The following RGS6 variants were observed in gnomAD, a reference collection of about 807,000 sequenced individuals.
The protein encoded by RGS6 is regulator of G protein signaling 6, also known as regulator of G-protein signaling 6.
A neutral mutation model predicts 78.5 loss-of-function variants in RGS6; 30 were observed. That is an observed-to-expected ratio of 0.38 (90% CI 0.29 to 0.52). RGS6 has a LOEUF of 0.52. Ranked by LOEUF, RGS6 falls within the 20% of genes least tolerant of loss-of-function variation. The pLI is 0.85. For missense variants in RGS6, 495 were observed against 609.7 expected, an observed-to-expected ratio of 0.81 and a Z score of 1.98; for synonymous variants, 206 against 206.0, an observed-to-expected ratio of 1.00 and a Z score of 0.00.
chr14:72,158,316 G>A (rs1031544794), intron 2 of RGS6, among the ~76,000 whole-genome samples: 4 of 152,070 alleles, frequency 2.6e-5, no homozygotes. Context: ...TTCTTCTCGT[G>A]AGGACACCAG....
At chr14:72,447,012 G>A (rs989305803) in intron 3 of RGS6, among the ~76,000 whole-genome samples, 1 of 152,148 alleles carries the variant, frequency 6.6e-6, no homozygotes, top group South Asian at 2.1e-4. Flanking sequence ...TACCTGTTGG[G>A]AGGCTGAGGA....
chr14:72,276,960 A>T (rs1422848324), intron 2 of RGS6, among the ~76,000 whole-genome samples: 1 of 152,170 alleles, frequency 6.6e-6, no homozygotes, highest in Non-Finnish European at 1.5e-5. Context: ...AGTAGAATAC[A>T]AGTTCCATGA....
chr14:72,453,128 C>T (rs980983798), intron 3 of RGS6, among the ~76,000 whole-genome samples: 1 of 151,988 alleles, frequency 6.6e-6, no homozygotes, highest in Non-Finnish European at 1.5e-5. Flanking sequence ...AAACTGAGGC[C>T]AAAGGGAGGA....
chr14:72,271,532 G>C (rs1343833964), intron 2 of RGS6, among the ~76,000 whole-genome samples: 1 of 152,216 alleles, frequency 6.6e-6, no homozygotes, highest in Admixed American at 6.5e-5. Flanking sequence ...ACATGACCAA[G>C]TTCAGACTTG....
chr14:72,502,960 T>C (rs2096748250), intron 13 of RGS6, among the ~76,000 whole-genome samples: 1 of 152,180 alleles, frequency 6.6e-6, no homozygotes, highest in African/African-American at 2.4e-5. Context: ...TAATAACTTG[T>C]CTTAGTCTGT....
At chr14:72,238,614 A>G (rs928784926) in intron 2 of RGS6, among the ~76,000 whole-genome samples, 8 of 152,030 alleles carry the variant, frequency 5.3e-5, no homozygotes, top group African/African-American at 1.9e-4. Context: ...CAGTGTGTAT[A>G]TATTGAGGTG....
intron 2 of RGS6, among the ~76,000 whole-genome samples, chr14:72,236,616 T>G (rs2051112001): frequency 6.6e-6 from 1 of 152,238 alleles, no homozygotes; most frequent in Non-Finnish European, 1.5e-5. Flanking sequence ...AGGCTGTCAC[T>G]TCACACTTGG....
At chr14:72,458,136 C>T (rs1422318750) in intron 4 of RGS6, 135 bp from the exon 5 acceptor site, 2 of 650,214 alleles carry the variant, frequency 3.1e-6, no homozygotes, top group Non-Finnish European at 5.3e-6. Context: ...CTCACCCCCA[C>T]ACTGAGCAAG....
intron 2 of RGS6, among the ~76,000 whole-genome samples, chr14:72,248,206 G>C (rs2054714187): frequency 6.6e-6 from 1 of 152,102 alleles, no homozygotes; most frequent in Non-Finnish European, 1.5e-5. Flanking sequence ...TCTCTCCTAA[G>C]TGTGTCAAGG....
At position 72,323,927 on chromosome 14, in the gene RGS6, A is replaced by G. The variant is rs138215467; in HGVS notation, c.85-28168A>G. Among the ~76,000 whole-genome samples the G allele has an allele frequency of 3.0e-3, 436 of 147,390 alleles. 2 individuals are homozygous for G. The highest frequency in any genetic ancestry group is 0.01 in the African/African-American group (418 of 40,334). ...TTTTATGGCCACATAGTAGGTGTAT[A>G]TATTTATGGGGTACTTGAGATATTT... On this transcript the variant is annotated intron_variant, in intron 2 of 17. Coordinates refer to ENST00000553525, the MANE Select transcript of RGS6 (RefSeq NM_001204424.2).
chr14:72,608,884 G>A, the RGS6 span, among the ~76,000 whole-genome samples: 6 of 152,112 alleles, frequency 3.9e-5, no homozygotes, highest in East Asian at 1.9e-4. Flanking sequence ...ACACGCATGC[G>A]TGTTTCTCTC....
At chr14:72,143,711 G>A (rs976654118) in intron 2 of RGS6, among the ~76,000 whole-genome samples, 2 of 152,084 alleles carry the variant, frequency 1.3e-5, no homozygotes, top group Non-Finnish European at 2.9e-5. Context: ...ATCAGAACAC[G>A]TCTTTAAGGT....
chr14:72,359,074 G>A (rs984151211), intron 3 of RGS6, among the ~76,000 whole-genome samples: 1 of 152,196 alleles, frequency 6.6e-6, no homozygotes, highest in Non-Finnish European at 1.5e-5. Context: ...CTGCTGCCAT[G>A]TGAAGAAGGA....
At chr14:72,198,613 A>G (rs2238245) in intron 2 of RGS6, among the ~76,000 whole-genome samples, 61,556 of 152,136 alleles carry the variant, frequency 0.4, 12,653 homozygotes, top group South Asian at 0.54. Flanking sequence ...TTGGTTCGTA[A>G]AACTAGAGAA....
intron 2 of RGS6, among the ~76,000 whole-genome samples, chr14:72,118,217 G>A (rs1041174977): frequency 2.0e-4 from 31 of 151,610 alleles, no homozygotes; most frequent in Middle Eastern, 3.2e-3. Flanking sequence ...CAGCTTCTCC[G>A]TAAGGCTATA....
chr14:72,523,322 T>G (rs1045105497), intron 15 of RGS6, among the ~76,000 whole-genome samples: 2 of 152,148 alleles, frequency 1.3e-5, no homozygotes, highest in African/African-American at 4.8e-5. Flanking sequence ...TTTAAGTTCT[T>G]TAAACTTTCT....
At chr14:72,077,800 C>T (rs2283421) in intron 2 of RGS6, among the ~76,000 whole-genome samples, 105,756 of 152,066 alleles carry the variant, frequency 0.7, 36,927 homozygotes, top group East Asian at 0.81. Flanking sequence ...CAAGAAAACC[C>T]CTAGGGGTAT....
the RGS6 span, among the ~76,000 whole-genome samples, chr14:72,599,945 G>T: frequency 6.6e-6 from 1 of 152,128 alleles, no homozygotes; most frequent in African/African-American, 2.4e-5. Flanking sequence ...TGGCCCCAAG[G>T]CCTCAGGGGG....
chr14:72,089,913 A>G (rs2095204929), intron 2 of RGS6, among the ~76,000 whole-genome samples: 2 of 151,902 alleles, frequency 1.3e-5, no homozygotes, highest in Admixed American at 6.6e-5. Context: ...CAGGGTGCCA[A>G]CTCCCAAGTG....
Sources: gnomAD v4.1 joint callset for allele counts (sites outside exome capture counted in the v4.1 genomes callset) on GRCh38, gnomAD v4.1.1 for gene constraint, MANE v1.5 for transcripts, NCBI Gene and HGNC (gene_info 2026-07-23, HGNC 2026-07-21) for gene names.